TBXA2R: variants seen among roughly 807,000 people sequenced by gnomAD.
The protein encoded by TBXA2R is prostanoid TP receptor.
In TBXA2R, 15 loss-of-function variants were observed where a neutral mutation model predicts 15.6. The ratio of observed to expected loss-of-function variants is 0.96; its 90% CI spans 0.64 to 1.48. TBXA2R has a LOEUF of 1.48. TBXA2R is among the 40% of genes most tolerant of loss of function. The pLI, the probability that TBXA2R is intolerant of heterozygous loss-of-function variation, is 0.00. For synonymous variants in TBXA2R, 280 were observed against 241.2 expected (o/e 1.16, Z -1.49); for missense variants, 506 against 491.4 (o/e 1.03, Z -0.28).
In TBXA2R at chr19:3,600,825, G is replaced by GTTTT. The variant is rs201563283; in HGVS notation, c.-83-109_-83-108insAAAA. The GTTTT allele has an allele frequency of 6.8e-3, 3,085 of 452,376 alleles. 126 individuals are homozygous for GTTTT. The highest frequency in any genetic ancestry group is 0.053 in the African/African-American group (1,895 of 35,906). The allele number at this position is 452,376 out of a possible 1,614,324, so 28.0% of individuals were successfully genotyped here. On this transcript the variant is annotated intron_variant, in intron 1 of 2. Coordinates refer to ENST00000375190, the MANE Select transcript of TBXA2R (RefSeq NM_001060.6). ...ATGCCCCAGCTCAAATATCCTCTCC[G>GTTTT]GTTTTTTTTTTTTTTTTTTTTGAGA... is the stretch of plus-strand genomic sequence containing the variant.
rs1300020033 is a variant in TBXA2R at position 3,598,345 on chromosome 19, C to CTTTTTTT, written c.786+1503_786+1504insAAAAAAA. Among the ~76,000 whole-genome samples the CTTTTTTT allele has an allele frequency of 1.3e-3, 145 of 115,356 alleles. 10 individuals are homozygous for CTTTTTTT. The highest frequency in any genetic ancestry group is 4.8e-3 in the African/African-American group (132 of 27,752). The allele number at this position is 115,356 out of a possible 152,430, so 75.7% of individuals were successfully genotyped here. On this transcript the variant is annotated intron_variant, in intron 2 of 2. Transcript: ENST00000375190. ...TTTCTTTTCTTTCTTTCTTTCTTTTCTTTTCTTTTTTTTTTTTTTTTTTGA... is the reference window on the plus strand; with the variant it reads ...TTTCTTTTCTTTCTTTCTTTCTTTTCTTTTTTTTTTTCTTTTTTTTTTTTTTTTTTGA...
chr19:3,595,073 C>T lies in TBXA2R; in HGVS notation c.*615G>A, dbSNP rs2032569600. 2 of 698,834 alleles carry T rather than the reference C, an allele frequency of 2.9e-6. No individual in the cohort carries two copies. Among genetic ancestry groups the T allele is most frequent in the Admixed American group, 5.6e-5 (2 of 35,552 alleles). The allele number at this position is 698,834 out of a possible 1,614,324, so 43.3% of individuals were successfully genotyped here. The stretch of plus-strand genomic sequence containing the variant: ...CCAGGCTGGGCCACAGAGTGAGACT[C>T]CGTCTAAAAAAAAAAAAAAAAATGG... On this transcript the variant is annotated 3_prime_UTR_variant, in exon 3 of 3. Coordinates refer to ENST00000375190, the MANE Select transcript of TBXA2R (RefSeq NM_001060.6).
chr19:3,601,940 G>A (rs983076179), intron 1 of TBXA2R, among the ~76,000 whole-genome samples: 8 of 140,560 alleles, frequency 5.7e-5, no homozygotes, highest in Non-Finnish European at 3.1e-5. Flanking sequence ...AAAACAAAAC[G>A]GCCAGGTGCG....
At chr19:3,605,743 A>G (rs1194716927) in intron 1 of TBXA2R, among the ~76,000 whole-genome samples, 1 of 151,960 alleles carries the variant, frequency 6.6e-6, no homozygotes, top group Non-Finnish European at 1.5e-5. Flanking sequence ...ATACATAGAC[A>G]CATACAGATA....
intron 1 of TBXA2R, 113 bp from the exon 2 acceptor site, chr19:3,600,830 T>G (rs1306786360): frequency 3.4e-6 from 2 of 583,682 alleles, no homozygotes; most frequent in Non-Finnish European, 5.9e-6. Flanking sequence ...TCTCCGGTTT[T>G]TTTTTTTTTT....
intron 2 of TBXA2R, among the ~76,000 whole-genome samples, chr19:3,596,932 T>C (rs2032614947): frequency 1.3e-5 from 2 of 151,152 alleles, no homozygotes; most frequent in Non-Finnish European, 2.9e-5. Context: ...AGGTCAGGAT[T>C]GATGGGAAAT....
At position 3,595,196 on chromosome 19, in the gene TBXA2R, C is replaced by T. The variant is rs1001974466; in HGVS notation, c.*492G>A. 3.6e-5 allele frequency: 22 copies of T among 609,754 alleles called. No homozygotes were observed. Among genetic ancestry groups the T allele is most frequent in the African/African-American group, 7.5e-5 (4 of 53,464 alleles). 37.8% of individuals were successfully genotyped at this position (609,754 alleles called of 1,614,324 possible). ...GAGTTCAAGACCAGCCTGGCCAACA[C>T]GGTGAAACCCCGTCTCTACTAAAAA... On this transcript the variant is annotated 3_prime_UTR_variant, in exon 3 of 3. Coordinates refer to ENST00000375190, the MANE Select transcript of TBXA2R (RefSeq NM_001060.6).
intron 1 of TBXA2R, among the ~76,000 whole-genome samples, chr19:3,601,608 G>T (rs1224825476): frequency 6.6e-6 from 1 of 151,790 alleles, no homozygotes; most frequent in Non-Finnish European, 1.5e-5. Flanking sequence ...GATGAGTGAA[G>T]TAAAAATAAA....
chr19:3,604,433 C>G (rs76862159), intron 1 of TBXA2R, among the ~76,000 whole-genome samples: 1 of 146,112 alleles, frequency 6.8e-6, no homozygotes, highest in East Asian at 1.9e-4. Context: ...ATCCTTGGTT[C>G]CCAAACAGCA....
chr19:3,595,742 C>A lies in TBXA2R; in HGVS notation c.978G>T (p.Arg326=). ...LRRLQPRLST[R]PRSLSLQPQL... ...GGGGCTGGAGGGACAGCGACCTGGG[C>A]CGGGTGCTGAGGCGAGGCTGGAGAC... The change falls in exon 3 of 3, where the codon CGG becomes CGT. Residue 326 remains arginine, a synonymous_variant. Coordinates refer to ENST00000375190, the MANE Select transcript of TBXA2R (RefSeq NM_001060.6). 1 of 1,604,280 alleles carries A rather than the reference C, an allele frequency of 6.2e-7. No individual in the cohort carries two copies. The highest frequency in any genetic ancestry group is 8.5e-7 in the Non-Finnish European group (1 of 1,176,244).
intron 1 of TBXA2R, among the ~76,000 whole-genome samples, chr19:3,604,835 C>T (rs1464182597): frequency 1.3e-5 from 2 of 152,170 alleles, no homozygotes; most frequent in South Asian, 2.1e-4. Context: ...CCTGAGGCTC[C>T]GTGTCACCCC....
intron 2 of TBXA2R, among the ~76,000 whole-genome samples, chr19:3,596,278 C>A (rs1462403536): frequency 6.6e-6 from 1 of 152,158 alleles, no homozygotes; most frequent in Non-Finnish European, 1.5e-5. Context: ...GATCCACCAG[C>A]CTCAGCCTCC....
chr19:3,595,998 C>T (rs1033891249), intron 2 of TBXA2R, 65 bp from the exon 3 acceptor site: 27 of 1,544,872 alleles, frequency 1.7e-5, no homozygotes, highest in Middle Eastern at 2.3e-4. Flanking sequence ...GGTCCCTGCC[C>T]GGGGTCCCTT....
rs748532736 is a variant in TBXA2R at position 3,595,897 on chromosome 19, C to G, written c.823G>C (p.Ala275Pro). 1.4e-5 allele frequency: 23 copies of G among 1,605,112 alleles called. No individual in the cohort carries two copies. The highest frequency in any genetic ancestry group is 2.7e-5 in the African/African-American group (2 of 74,820). ...GACAGCTGCCCGGCGGGGCTCATGG[C>G]AGGCGGGTTTCGCAGCACTGTCTGG... The part of the protein sequence containing the change: ...IAQTVLRNPP[A>P]MSPAGQLSRT... The change falls in exon 3 of 3, where the codon GCC becomes CCC. Residue 275 changes from alanine to proline, a missense_variant. Ala to Pro is a conservative substitution (Grantham distance 27). Coordinates refer to ENST00000375190, the MANE Select transcript of TBXA2R (RefSeq NM_001060.6).
At chr19:3,603,529 T>C (rs937165919) in intron 1 of TBXA2R, among the ~76,000 whole-genome samples, 6 of 152,218 alleles carry the variant, frequency 3.9e-5, no homozygotes, top group African/African-American at 1.4e-4. Flanking sequence ...TGGTATGTGC[T>C]GTTTCTGGAC....
At chr19:3,596,394 C>T (rs2032605663) in intron 2 of TBXA2R, among the ~76,000 whole-genome samples, 1 of 152,116 alleles carries the variant, frequency 6.6e-6, no homozygotes, top group Non-Finnish European at 1.5e-5. Flanking sequence ...CTCTGAGCTC[C>T]TTTTGATGGG....
At chr19:3,599,803 AG>A (rs1273209847) in intron 2 of TBXA2R, 45 bp downstream of exon 2, 1 of 1,548,074 alleles carries the variant, frequency 6.5e-7, no homozygotes, top group African/African-American at 1.4e-5. Context: ...GGGTGACCAG[AG>A]GTCCAGTCAG....
Position 3,594,818 on chromosome 19 carries a change from G to A in TBXA2R, c.*870C>T, listed in dbSNP as rs199953331. Reference sequence around the variant, plus strand: ...AGAGATATATTTTGGCAAGAAAAGGGGGTGCCCCCGTTCACATTCAATCCT... The same window carrying A: ...AGAGATATATTTTGGCAAGAAAAGGAGGTGCCCCCGTTCACATTCAATCCT... On this transcript the variant is annotated 3_prime_UTR_variant, in exon 3 of 3. Transcript: ENST00000375190. 3.3e-6 allele frequency: 5 copies of A among 1,528,110 alleles called. No individual in the cohort carries two copies. The African/African-American group carries it at 6.9e-5, about 21-fold the overall frequency. 94.7% of individuals were successfully genotyped at this position (1,528,110 alleles called of 1,614,324 possible). A position where few individuals can be genotyped will look rare whatever the true frequency, so the allele number is the denominator to read the frequency against.
At chr19:3,596,373 T>G (rs925328845) in intron 2 of TBXA2R, among the ~76,000 whole-genome samples, 2 of 151,640 alleles carry the variant, frequency 1.3e-5, no homozygotes, top group Non-Finnish European at 2.9e-5. Flanking sequence ...CTCAGGAGAG[T>G]TGACTAACCG....
Sources: gnomAD v4.1 joint callset for allele counts (sites outside exome capture counted in the v4.1 genomes callset) on GRCh38, gnomAD v4.1.1 for gene constraint, MANE v1.5 for transcripts, NCBI Gene and HGNC (gene_info 2026-07-23, HGNC 2026-07-21) for gene names.